UGGT1: variants seen among roughly 807,000 people sequenced by gnomAD.
UGGT1 encodes the protein UDP-glucose glycoprotein glucosyltransferase 1.
UGGT1 carries 107 observed loss-of-function variants against 203.9 expected under a neutral mutation model. The ratio of observed to expected loss-of-function variants is 0.52; its 90% confidence interval spans 0.45 to 0.62. The LOEUF is 0.62. Among genes scored for constraint, UGGT1 ranks in the 20% least tolerant of loss-of-function variants. UGGT1 has a pLI of 0.00. For missense variants in UGGT1, 1,673 were observed against 1,867.2 expected (o/e 0.90, Z 1.92); for synonymous variants, 628 against 653.5 (o/e 0.96, Z 0.59).
At chr2:128,096,734 A>C (rs561355600) in intron 1 of UGGT1, among the ~76,000 whole-genome samples, 7 of 152,356 alleles carry the variant, frequency 4.6e-5, no homozygotes, top group African/African-American at 1.7e-4. Context: ...TGGGGGACAC[A>C]GTTCAACCCT....
intron 5 of UGGT1, among the ~76,000 whole-genome samples, chr2:128,110,414 C>G (rs1000988528): frequency 4.6e-5 from 7 of 152,124 alleles, no homozygotes; most frequent in Admixed American, 1.3e-4. Flanking sequence ...CTCCCCAGCA[C>G]CCATCCTCTG....
intron 25 of UGGT1, 143 bp from the exon 26 acceptor site, chr2:128,164,583 CTCTT>C (rs1294595966): frequency 3.2e-6 from 2 of 622,180 alleles, no homozygotes; most frequent in Non-Finnish European, 5.8e-6. Context: ...CCACTAATCA[CTCTT>C]TCTCATGCCT....
At chr2:128,116,629 A>ATTAAGTGG (rs1221409101) in intron 8 of UGGT1, among the ~76,000 whole-genome samples, 1 of 151,994 alleles carries the variant, frequency 6.6e-6, no homozygotes, top group African/African-American at 2.4e-5. Flanking sequence ...CGTTCAAGTG[A>ATTAAGTGG]TTATTCTGTC....
chr2:128,128,592 A>T (rs530019733), intron 12 of UGGT1, among the ~76,000 whole-genome samples: 2 of 152,136 alleles, frequency 1.3e-5, no homozygotes, highest in Non-Finnish European at 2.9e-5. Flanking sequence ...GATTACAGGC[A>T]TGAGCCACCG....
chr2:128,133,867 T>TAG lies in UGGT1; in HGVS notation c.1497+624_1497+625dup, dbSNP rs139896072. On this transcript the variant is annotated intron_variant, in intron 14 of 40. Coordinates refer to ENST00000259253, the MANE Select transcript of UGGT1 (RefSeq NM_020120.4). ...CTTGTTATTCCTTCTTGCACTGCTT[T>TAG]AGAGAGAGAGAGAGAGAGGGTTCTT... Among the ~76,000 whole-genome samples the TAG allele has an allele frequency of 9.1e-3, 1,370 of 149,982 alleles. 16 individuals are homozygous for TAG. Among genetic ancestry groups the TAG allele is most frequent in the Non-Finnish European group, 8.1e-3 (547 of 67,268 alleles).
intron 28 of UGGT1, among the ~76,000 whole-genome samples, chr2:128,172,336 AGGCCACC>A (rs1691146963): frequency 6.6e-6 from 1 of 152,104 alleles, no homozygotes; most frequent in Non-Finnish European, 1.5e-5. Flanking sequence ...ACATCACCAC[AGGCCACC>A]ACTGAGCACT....
intron 11 of UGGT1, 108 bp from the exon 12 acceptor site, chr2:128,127,253 C>T (rs770488063): frequency 2.8e-6 from 2 of 720,534 alleles, no homozygotes; most frequent in East Asian, 2.7e-5. Flanking sequence ...CAAATCTTAG[C>T]CCTGCCTTAG....
At position 128,164,792 on chromosome 2, in the gene UGGT1, G is replaced by T. The variant is rs1690704187; in HGVS notation, c.2888G>T (p.Arg963Ile). ...LLSAQPKGDP[R>I]IEYQFFEDRH... ...TCAGCGCAACCAAAAGGAGATCCAAGAATCGAGTACCAGTTTTTTGAAGAC... is the reference window on the plus strand; with the variant it reads ...TCAGCGCAACCAAAAGGAGATCCAATAATCGAGTACCAGTTTTTTGAAGAC... Residue 963 changes from arginine to isoleucine, a missense_variant, in exon 26 of 41, where the codon AGA becomes ATA. Arg to Ile is a moderately conservative substitution (Grantham distance 97). Coordinates refer to ENST00000259253, the MANE Select transcript of UGGT1 (RefSeq NM_020120.4). 3 of 1,610,132 alleles carry T rather than the reference G, an allele frequency of 1.9e-6. No homozygotes were observed. Among genetic ancestry groups the T allele is most frequent in the Non-Finnish European group, 1.7e-6 (2 of 1,178,832 alleles).
In UGGT1 at chr2:128,175,565, C is replaced by CT. The variant is rs747639792; in HGVS notation, c.3539+707_3539+708insT. ...CCTTAATTAGCTCCGTAGCGACACA[C>CT]ATGAAACAGTGGATTAGTGCCTGGT... On this transcript the variant is annotated intron_variant, in intron 31 of 40. Coordinates refer to ENST00000259253, the MANE Select transcript of UGGT1 (RefSeq NM_020120.4). Among the ~76,000 whole-genome samples the CT allele has an allele frequency of 1.8e-4, 27 of 152,340 alleles. No individual in the cohort carries two copies. In the East Asian group the frequency reaches 5.2e-3, roughly 29 times the overall value.
rs762351628 is a variant in UGGT1 at position 128,186,716 on chromosome 2, A to G, written c.4393A>G (p.Ile1465Val). 21 of 1,613,774 alleles carry G rather than the reference A, an allele frequency of 1.3e-5. No individual in the cohort carries two copies. The South Asian group carries it at 1.6e-4, about 13-fold the overall frequency. ...CAATAACATGATTCATCAGGTGCCA[A>G]TTAAATCCCTCCCTCAAGAATGGCT... The part of the protein sequence containing the change: ...LPNNMIHQVP[I>V]KSLPQEWLWC... The change falls in exon 39 of 41, where the codon ATT becomes GTT. Residue 1465 changes from isoleucine (I) to valine (V), a missense_variant. This residue lies in a region of UGGT1 where 513 missense variants were observed against 684.1 expected (regional missense o/e 0.75). Coordinates refer to ENST00000259253, the MANE Select transcript of UGGT1 (RefSeq NM_020120.4).
chr2:128,148,120 G>C (rs1238815927), intron 18 of UGGT1, among the ~76,000 whole-genome samples: 1 of 151,958 alleles, frequency 6.6e-6, no homozygotes, highest in East Asian at 1.9e-4. Flanking sequence ...GGAGTGCAGT[G>C]GTGCCATCTC....
chr2:128,141,955 T>C (rs1338513980), intron 16 of UGGT1, among the ~76,000 whole-genome samples: 2 of 152,048 alleles, frequency 1.3e-5, no homozygotes, highest in East Asian at 3.9e-4. Context: ...ATTTTTCTCT[T>C]TTTTTTGAGA....
In UGGT1 at chr2:128,109,659, A is replaced by C. The variant is rs751307512; in HGVS notation, c.434A>C (p.Glu145Ala). 3 of 1,614,020 alleles carry C rather than the reference A, an allele frequency of 1.9e-6. No individual in the cohort carries two copies. The African/African-American group carries it at 4.0e-5, about 22-fold the overall frequency. ...ATAGCAGCTGATGAACCTCCACCAG[A>C]AGGATGTAATTCGTTTTTTTCAGTG... ...QQIAADEPPP[E>A]GCNSFFSVHG... Residue 145 changes from glutamate to alanine, a missense_variant, in exon 5 of 41, where the codon GAA becomes GCA. Glu to Ala is a moderately radical substitution (Grantham distance 107). This residue lies in a region of UGGT1 where 1,073 missense variants were observed against 1,078.7 expected (regional missense o/e 0.99). Coordinates refer to ENST00000259253, the MANE Select transcript of UGGT1 (RefSeq NM_020120.4).
At position 128,134,938 on chromosome 2, in the gene UGGT1, C is replaced by G. The variant is rs1424624076; in HGVS notation, c.1560C>G (p.Phe520Leu). The G allele has an allele frequency of 7.4e-6, 12 of 1,613,534 alleles. No homozygotes were observed. Among genetic ancestry groups the G allele is most frequent in the African/African-American group, 1.3e-5 (1 of 74,906 alleles). The part of the protein sequence containing the change: ...TAELMNTAEM[F>L]LSNHIPLRIG... ...AGTTGATGAACACAGCTGAGATGTT[C>G]CTTAGTAATCATATACCACTAAGGT... is the stretch of plus-strand genomic sequence containing the variant. Residue 520 changes from phenylalanine (F) to leucine (L), a missense_variant, in exon 15 of 41, where the codon TTC becomes TTG. Coordinates refer to ENST00000259253, the MANE Select transcript of UGGT1 (RefSeq NM_020120.4).
rs76365495 is a variant in UGGT1 at position 128,108,402 on chromosome 2, G to A, written c.408+334G>A. Reference sequence around the variant, plus strand: ...AAGCAGTTCACAGGAAATACAGGAGGCAAGAAATGTTTAGCATCACCACAG... The same window carrying A: ...AAGCAGTTCACAGGAAATACAGGAGACAAGAAATGTTTAGCATCACCACAG... On this transcript the variant is annotated intron_variant, in intron 4 of 40. Transcript: ENST00000259253. Among the ~76,000 whole-genome samples, 2,146 of 152,292 alleles carry A rather than the reference G, an allele frequency of 0.014. 115 individuals carry two copies. The East Asian group carries it at 0.14, about 10-fold the overall frequency.
At position 128,192,926 on chromosome 2, in the gene UGGT1, C is replaced by T. The variant is rs559575545; in HGVS notation, c.*3184C>T. The T allele has an allele frequency of 3.3e-5, 5 of 151,956 alleles. No homozygotes were observed. The highest frequency in any genetic ancestry group is 1.3e-4 in the Admixed American group (2 of 15,234). 9.4% of individuals were successfully genotyped at this position (151,956 alleles called of 1,614,324 possible). ...AGGCACAGTGGCTTACACCTGTAAT[C>T]CCAGCACTTTGGGAAGCCGAGGCGG... On this transcript the variant is annotated 3_prime_UTR_variant, in exon 41 of 41. Transcript: ENST00000259253.
intron 35 of UGGT1, among the ~76,000 whole-genome samples, chr2:128,180,153 C>T (rs1237124789): frequency 6.6e-6 from 1 of 152,168 alleles, no homozygotes. Context: ...CTGAAGCCTG[C>T]ATGCTTGCTT....
At chr2:128,123,347 T>C (rs1688469161) in intron 11 of UGGT1, 101 bp downstream of exon 11, 9 of 991,608 alleles carry the variant, frequency 9.1e-6, no homozygotes, top group Non-Finnish European at 1.0e-5. Flanking sequence ...ACTCTTCTTT[T>C]ATCTAAGATG....
At chr2:128,105,560 G>T (rs1687569310) in intron 3 of UGGT1, among the ~76,000 whole-genome samples, 3 of 151,588 alleles carry the variant, frequency 2.0e-5, no homozygotes, top group Admixed American at 1.3e-4. Flanking sequence ...TGTTGCCCAG[G>T]CTGGAGTGCA....
Sources: gnomAD v4.1 joint callset for allele counts (sites outside exome capture counted in the v4.1 genomes callset) on GRCh38, gnomAD v4.1.1 for gene constraint, gnomAD v4.1.1 regional missense constraint, MANE v1.5 for transcripts, NCBI Gene and HGNC (gene_info 2026-07-23, HGNC 2026-07-21) for gene names.